Variants in HS6ST2 observed in about 807,000 individuals in gnomAD.
HS6ST2 encodes the protein heparan sulfate 6-O-sulfotransferase 2, also known as heparan-sulfate 6-O-sulfotransferase 2.
Under a neutral mutation model 33.0 loss-of-function variants are expected in HS6ST2, and 17 were observed. The ratio of observed to expected loss-of-function variants is 0.52; its 90% CI spans 0.35 to 0.77. The LOEUF is 0.77. Among genes scored for constraint, HS6ST2 ranks in the 30% least tolerant of loss-of-function variants. HS6ST2 has a pLI of 0.01. For missense variants in HS6ST2, 519 were observed against 551.7 expected, an observed-to-expected ratio of 0.94 and a Z score of 0.59; for synonymous variants, 248 against 237.1, an observed-to-expected ratio of 1.05 and a Z score of -0.42.
At chrX:132,689,811 T>G (rs1326601251) in intron 3 of HS6ST2, among the ~76,000 whole-genome samples, 1 of 112,123 alleles carries the variant, frequency 8.9e-6, no homozygotes, top group Non-Finnish European at 1.9e-5. Flanking sequence ...GCAGGCTGCA[T>G]GCAGCCCAGA....
chrX:132,922,998 G>C (rs2148480054), intron 2 of HS6ST2, among the ~76,000 whole-genome samples: 1 of 105,636 alleles, frequency 9.5e-6, no homozygotes, highest in African/African-American at 3.5e-5. Flanking sequence ...GGGAGGCATA[G>C]GTTGCAGTGA....
chrX:132,828,341 C>T (rs772218998), intron 2 of HS6ST2, among the ~76,000 whole-genome samples: 1 of 110,520 alleles, frequency 9.0e-6, no homozygotes, highest in South Asian at 3.9e-4. Flanking sequence ...GGATAAGCTG[C>T]ACATAGTCAC....
chrX:132,794,590 A>G lies in HS6ST2; in HGVS notation c.948-86096T>C, dbSNP rs186078727. On this transcript the variant is annotated intron_variant, in intron 2 of 4. Coordinates refer to ENST00000370833, the MANE Select transcript of HS6ST2 (RefSeq NM_001394073.1). ...GATGATGATGATTATTATTATTATT[A>G]TTATTATTATTATTTGTAGAGACTG... is the stretch of plus-strand genomic sequence containing the variant. 3.8e-5 allele frequency among the ~76,000 whole-genome samples: 4 copies of G among 106,214 alleles called. No homozygotes were observed. The East Asian group carries it at 1.2e-3, about 32-fold the overall frequency. 92.2% of individuals were successfully genotyped at this position (106,214 alleles called of 115,157 possible). A position where few individuals can be genotyped will look rare whatever the true frequency, so the allele number is the denominator to read the frequency against.
intron 2 of HS6ST2, among the ~76,000 whole-genome samples, chrX:132,886,736 A>G (rs1397037191): frequency 9.0e-6 from 1 of 111,461 alleles, no homozygotes; most frequent in African/African-American, 3.3e-5. Context: ...AAAAATCTAG[A>G]AAGAAACAAC....
intron 4 of HS6ST2, among the ~76,000 whole-genome samples, chrX:132,650,227 C>A (rs1004375845): frequency 1.8e-5 from 2 of 111,532 alleles, no homozygotes; most frequent in African/African-American, 6.5e-5. Context: ...GCTGCTTCAG[C>A]TGTTGAACAT....
intron 2 of HS6ST2, among the ~76,000 whole-genome samples, chrX:132,862,730 G>T (rs1331708945): frequency 3.6e-5 from 4 of 112,215 alleles, no homozygotes; most frequent in African/African-American, 1.3e-4. Flanking sequence ...CATCATTGCA[G>T]AAATGTTTAT....
At chrX:132,794,705 G>A (rs1358777401) in intron 2 of HS6ST2, among the ~76,000 whole-genome samples, 3 of 111,102 alleles carry the variant, frequency 2.7e-5, no homozygotes, top group Non-Finnish European at 5.6e-5. Context: ...GATTACAGGC[G>A]TAAGCCACTG....
chrX:132,659,281 AT>A (rs2063753350), intron 4 of HS6ST2, among the ~76,000 whole-genome samples: 2 of 111,945 alleles, frequency 1.8e-5, no homozygotes, highest in African/African-American at 6.5e-5. Flanking sequence ...GTCCAGCCTC[AT>A]TTTTCTTTTT....
At chrX:132,942,343 T>G (rs1328521744) in intron 2 of HS6ST2, among the ~76,000 whole-genome samples, 1 of 111,897 alleles carries the variant, frequency 8.9e-6, no homozygotes, top group Non-Finnish European at 1.9e-5. Flanking sequence ...GGTTCTTCCA[T>G]ACCTTCAACC....
At position 132,958,585 on chromosome X, in the gene HS6ST2, A is replaced by T. The variant is rs1292550156; in HGVS notation, c.18T>A (p.Cys6Ter). The change falls in exon 1 of 5, where the codon TGT becomes TGA. Residue 6 changes from cysteine to a stop codon, truncating the protein, a stop_gained. Coordinates refer to ENST00000370833, the MANE Select transcript of HS6ST2 (RefSeq NM_001394073.1). LOFTEE classifies it high-confidence loss of function. MALPA[C>*]AVREFEPPRQ... is the part of the protein sequence containing the mutation. ...GCGGCGGCTCGAACTCCCGGACTGC[A>T]CACGCAGGCAGTGCCATTCCCCCCT... 1.0e-5 allele frequency: 12 copies of T among 1,175,754 alleles called. No individual in the cohort carries two copies. In the South Asian group the frequency reaches 2.3e-4, roughly 23 times the overall value.
intron 2 of HS6ST2, among the ~76,000 whole-genome samples, chrX:132,856,404 G>A (rs1395216005): frequency 3.6e-5 from 4 of 111,972 alleles, no homozygotes; most frequent in Admixed American, 9.5e-5. Context: ...TCAGGCATCC[G>A]CCGGGGGTCT....
chrX:132,886,278 T>C (rs1281008763), intron 2 of HS6ST2, among the ~76,000 whole-genome samples: 1 of 111,758 alleles, frequency 8.9e-6, no homozygotes, highest in Non-Finnish European at 1.9e-5. Flanking sequence ...AATTCTGAAC[T>C]GGAAAATTGG....
chrX:132,760,408 T>C (rs2064795004), intron 2 of HS6ST2, among the ~76,000 whole-genome samples: 1 of 111,234 alleles, frequency 9.0e-6, no homozygotes, highest in African/African-American at 3.3e-5. Flanking sequence ...AAGGAACTTT[T>C]CCCCTTTTGC....
At chrX:132,955,133 C>A (rs764477160) in intron 2 of HS6ST2, among the ~76,000 whole-genome samples, 3 of 112,262 alleles carry the variant, frequency 2.7e-5, no homozygotes, top group African/African-American at 9.7e-5. Context: ...AATATTACCA[C>A]CTCTCAATAC....
chrX:132,790,311 CT>C (rs755389666), intron 2 of HS6ST2, among the ~76,000 whole-genome samples: 23 of 111,662 alleles, frequency 2.1e-4, no homozygotes, highest in South Asian at 1.2e-3. Flanking sequence ...ATGATAGCCT[CT>C]TTTTTTTAGC....
chrX:132,647,484 G>A (rs930946865), intron 4 of HS6ST2, among the ~76,000 whole-genome samples: 3 of 111,996 alleles, frequency 2.7e-5, no homozygotes, highest in Admixed American at 9.4e-5. Context: ...CTTCAGCCTG[G>A]GGACAAGCAA....
In HS6ST2 at chrX:132,944,456, C is replaced by A. The variant is rs1462658696; in HGVS notation, c.947+12352G>T. Among the ~76,000 whole-genome samples, 6 of 111,587 alleles carry A rather than the reference C, an allele frequency of 5.4e-5. No individual in the cohort carries two copies. The South Asian group carries it at 2.3e-3, about 42-fold the overall frequency. On this transcript the variant is annotated intron_variant, in intron 2 of 4. Transcript: ENST00000370833. Reference sequence around the variant, plus strand: ...AGGTAATTTATAGATTCAATGCCATCCCCATCAAGCTACCAATGACTTTCT... The same window carrying A: ...AGGTAATTTATAGATTCAATGCCATACCCATCAAGCTACCAATGACTTTCT...
intron 2 of HS6ST2, among the ~76,000 whole-genome samples, chrX:132,900,184 T>C (rs766796681): frequency 4.5e-5 from 5 of 111,900 alleles, no homozygotes; most frequent in Non-Finnish European, 9.4e-5. Context: ...TAGTTTTATA[T>C]CTTCCCTATC....
intron 2 of HS6ST2, among the ~76,000 whole-genome samples, chrX:132,731,033 C>T (rs946387050): frequency 1.8e-5 from 2 of 111,644 alleles, no homozygotes; most frequent in Admixed American, 1.9e-4. Flanking sequence ...AACCCAACAC[C>T]CTCTCCTCAT....
Sources: allele counts gnomAD v4.1 joint callset (sites outside exome capture counted in the v4.1 genomes callset), GRCh38; gene constraint gnomAD v4.1.1; transcripts MANE v1.5; gene names NCBI Gene and HGNC (gene_info 2026-07-23, HGNC 2026-07-21).